ADAMTS3: variants seen among roughly 807,000 people sequenced by gnomAD.
The protein encoded by ADAMTS3 is ADAM metallopeptidase with thrombospondin type 1 motif 3, also known as A disintegrin and metalloproteinase with thrombospondin motifs 3.
A neutral mutation model predicts 129.0 loss-of-function variants in ADAMTS3; 73 were observed. The observed-to-expected ratio is 0.57, with a 90% CI of 0.47 to 0.69. ADAMTS3 has a LOEUF of 0.69. Ranked by LOEUF, ADAMTS3 falls within the 30% of genes least tolerant of loss-of-function variation. ADAMTS3 has a pLI of 0.00. For missense variants in ADAMTS3, 1,457 were observed against 1,514.5 expected (o/e 0.96, Z 0.63); for synonymous variants, 477 against 510.8 (o/e 0.93, Z 0.89).
chr4:72,281,056 G>C lies in ADAMTS3; in HGVS notation c.*2080C>G, dbSNP rs1718327242. On this transcript the variant is annotated 3_prime_UTR_variant, in exon 22 of 22. Transcript: ENST00000286657. ...ACACTTTGATAAAAAGGAATTTTTA[G>C]CTTAGTAGAAAAGAAAGCCCAAAGG... 1 of 152,548 alleles carries C rather than the reference G, an allele frequency of 6.6e-6. No individual in the cohort carries two copies. The highest frequency in any genetic ancestry group is 2.4e-5 in the African/African-American group (1 of 41,446). 9.4% of individuals were successfully genotyped at this position (152,548 alleles called of 1,614,324 possible).
chr4:72,516,277 T>C (rs1033171922), intron 3 of ADAMTS3, among the ~76,000 whole-genome samples: 4 of 152,316 alleles, frequency 2.6e-5, no homozygotes, highest in Non-Finnish European at 5.9e-5. Context: ...GCGTGATGCC[T>C]CCAGCTTCGT....
At chr4:72,484,168 T>C (rs1719516657) in intron 3 of ADAMTS3, among the ~76,000 whole-genome samples, 1 of 152,112 alleles carries the variant, frequency 6.6e-6, no homozygotes, top group African/African-American at 2.4e-5. Context: ...AATCCAGAAA[T>C]GTGTAAAAAG....
At chr4:72,450,304 G>A (rs973952353) in intron 3 of ADAMTS3, among the ~76,000 whole-genome samples, 6 of 151,366 alleles carry the variant, frequency 4.0e-5, no homozygotes, top group East Asian at 2.0e-4. Context: ...AATTGCCTTC[G>A]TGGTCATAAG....
Position 72,291,072 on chromosome 4 carries a change from C to T in ADAMTS3, c.2724-10G>A, listed in dbSNP as rs201639052. 50 of 1,613,480 alleles carry T rather than the reference C, an allele frequency of 3.1e-5. No homozygotes were observed. The highest frequency in any genetic ancestry group is 1.3e-4 in the South Asian group (12 of 90,970). On this transcript the variant is annotated splice_polypyrimidine_tract_variant and intron_variant, in intron 19 of 21. Transcript: ENST00000286657. ...TTCTTCTGCTACCCAGCTGTGGGTGCGGGGATTTAATATTGCAATTATCAC... is the reference window on the plus strand; with the variant it reads ...TTCTTCTGCTACCCAGCTGTGGGTGTGGGGATTTAATATTGCAATTATCAC...
At chr4:72,499,709 C>T (rs1372414901) in intron 3 of ADAMTS3, among the ~76,000 whole-genome samples, 1 of 152,046 alleles carries the variant, frequency 6.6e-6, no homozygotes, top group Non-Finnish European at 1.5e-5. Flanking sequence ...GTTTGAGGTA[C>T]AATTGATCCC....
At chr4:72,313,198 T>C (rs1719292244) in intron 12 of ADAMTS3, among the ~76,000 whole-genome samples, 1 of 152,176 alleles carries the variant, frequency 6.6e-6, no homozygotes, top group Non-Finnish European at 1.5e-5. Context: ...TCAGTAATTG[T>C]AGTCTGAGTG....
intron 3 of ADAMTS3, among the ~76,000 whole-genome samples, chr4:72,436,757 C>A (rs974399523): frequency 6.6e-6 from 1 of 150,906 alleles, no homozygotes; most frequent in Non-Finnish European, 1.5e-5. Flanking sequence ...ATCGCAAGGA[C>A]AGAAAACCAA....
At chr4:72,302,210 T>TA (rs1034668790) in intron 17 of ADAMTS3, among the ~76,000 whole-genome samples, 2 of 148,336 alleles carry the variant, frequency 1.3e-5, no homozygotes, top group South Asian at 4.3e-4. Flanking sequence ...ATGTGATCCA[T>TA]AAAAAAAATT....
chr4:72,547,206 T>C (rs935117076), intron 3 of ADAMTS3, among the ~76,000 whole-genome samples: 1 of 152,136 alleles, frequency 6.6e-6, no homozygotes, highest in East Asian at 1.9e-4. Flanking sequence ...TACCTATAAT[T>C]AGGGCAGACT....
chr4:72,384,998 C>T (rs921476617), intron 4 of ADAMTS3, among the ~76,000 whole-genome samples: 3 of 151,976 alleles, frequency 2.0e-5, no homozygotes, highest in Non-Finnish European at 4.4e-5. Context: ...GAAACCCCGT[C>T]TCTACTAAAA....
At chr4:72,536,530 T>C (rs1019496321) in intron 3 of ADAMTS3, among the ~76,000 whole-genome samples, 4 of 152,198 alleles carry the variant, frequency 2.6e-5, no homozygotes, top group African/African-American at 9.6e-5. Flanking sequence ...TAACATTGAT[T>C]TCCTAAGGGC....
At chr4:72,485,366 A>G (rs1449913079) in intron 3 of ADAMTS3, among the ~76,000 whole-genome samples, 2 of 152,174 alleles carry the variant, frequency 1.3e-5, no homozygotes, top group Non-Finnish European at 2.9e-5. Flanking sequence ...TTGTCAAGTA[A>G]TGATTTTAGA....
intron 17 of ADAMTS3, among the ~76,000 whole-genome samples, chr4:72,300,800 CT>C (rs1718930342): frequency 6.6e-6 from 1 of 152,076 alleles, no homozygotes; most frequent in Admixed American, 6.6e-5. Context: ...TATGGAGAGG[CT>C]TAAGTGGTAA....
At chr4:72,424,976 T>C (rs1722533503) in intron 3 of ADAMTS3, among the ~76,000 whole-genome samples, 1 of 152,146 alleles carries the variant, frequency 6.6e-6, no homozygotes, top group Non-Finnish European at 1.5e-5. Flanking sequence ...CTACATATTC[T>C]TTGTCATATT....
Position 72,568,798 on chromosome 4 carries a change from G to A in ADAMTS3, c.-36C>T. 6.5e-7 allele frequency: 1 copy of A among 1,544,634 alleles called. No individual in the cohort carries two copies. The highest frequency in any genetic ancestry group is 8.9e-7 in the Non-Finnish European group (1 of 1,120,842). On this transcript the variant is annotated 5_prime_UTR_variant, in exon 1 of 22. Coordinates refer to ENST00000286657, the MANE Select transcript of ADAMTS3 (RefSeq NM_014243.3). Reference sequence around the variant, plus strand: ...GTTCACTTTCCAACTACTGGGCAAAGCAAATGCCCAGAGCAAACCCACCCC... The same window carrying A: ...GTTCACTTTCCAACTACTGGGCAAAACAAATGCCCAGAGCAAACCCACCCC...
At chr4:72,299,396 A>G (rs1718896433) in intron 17 of ADAMTS3, among the ~76,000 whole-genome samples, 1 of 152,182 alleles carries the variant, frequency 6.6e-6, no homozygotes, top group African/African-American at 2.4e-5. Context: ...TTTAAATGTC[A>G]GCATAGTCTG....
intron 3 of ADAMTS3, among the ~76,000 whole-genome samples, chr4:72,469,276 T>G (rs1719001293): frequency 6.6e-6 from 1 of 152,116 alleles, no homozygotes; most frequent in African/African-American, 2.4e-5. Flanking sequence ...GAAGACACTA[T>G]ATTACAATAA....
intron 3 of ADAMTS3, among the ~76,000 whole-genome samples, chr4:72,529,343 C>A (rs1338688185): frequency 1.3e-5 from 2 of 151,872 alleles, no homozygotes; most frequent in Non-Finnish European, 2.9e-5. Context: ...ACTTTCAGGC[C>A]CCTCTACAGA....
At chr4:72,484,346 T>C (rs1719520470) in intron 3 of ADAMTS3, among the ~76,000 whole-genome samples, 1 of 152,200 alleles carries the variant, frequency 6.6e-6, no homozygotes, top group Admixed American at 6.5e-5. Flanking sequence ...TCCATTATCA[T>C]TTATAAACCA....
Sources: allele counts gnomAD v4.1 joint callset (sites outside exome capture counted in the v4.1 genomes callset), GRCh38; gene constraint gnomAD v4.1.1; transcripts MANE v1.5; gene names NCBI Gene and HGNC (gene_info 2026-07-23, HGNC 2026-07-21).